The following ATP10B variants were observed in gnomAD, a reference collection of about 807,000 sequenced individuals.
ATP10B encodes ATPase phospholipid transporting 10B (putative), also known as phospholipid-transporting ATPase VB.
Under a neutral mutation model 141.2 loss-of-function variants are expected in ATP10B, and 122 were observed. That is an observed-to-expected ratio of 0.86 (90% CI 0.75 to 1.00). The LOEUF is 1.00. Among genes scored for constraint, ATP10B ranks in the 50% least tolerant of loss-of-function variants. The pLI, the probability that ATP10B is intolerant of heterozygous loss-of-function variation, is 0.00. For synonymous variants in ATP10B, 685 were observed against 692.0 expected, an observed-to-expected ratio of 0.99 and a Z score of 0.16; for missense variants, 1,876 against 1,825.3, an observed-to-expected ratio of 1.03 and a Z score of -0.51.
Position 160,606,768 on chromosome 5 carries a change from T to C in ATP10B, c.3157A>G (p.Ile1053Val), listed in dbSNP as rs767032280. ...CGCATCTCAGTATGATGGGTACCTA[T>C]GGAAAGGGTCATGACGCGCAACTTG... ...RDKLRVMTLSIGDGANDVSMI... is the reference protein window; with the variant it reads ...RDKLRVMTLSVGDGANDVSMI... The change falls in exon 19 of 26, where the codon ATA becomes GTA. Residue 1053 changes from isoleucine (I) to valine (V), a missense_variant. Transcript: ENST00000327245. The C allele has an allele frequency of 6.8e-6, 11 of 1,611,848 alleles. No homozygotes were observed. The Admixed American group carries it at 1.7e-4, about 24-fold the overall frequency.
chr5:160,718,425 T>C (rs570691074), intron 2 of ATP10B, among the ~76,000 whole-genome samples: 1 of 152,224 alleles, frequency 6.6e-6, no homozygotes. Flanking sequence ...CTCCTTGTCT[T>C]AGTCCATTTT....
At chr5:160,803,589 T>C (rs184826950) in intron 1 of ATP10B, among the ~76,000 whole-genome samples, 25 of 152,200 alleles carry the variant, frequency 1.6e-4, no homozygotes, top group Non-Finnish European at 3.4e-4. Context: ...GGCAGGAGAA[T>C]CATTGGAACC....
chr5:160,874,016 A>G, the ATP10B span, among the ~76,000 whole-genome samples: 1 of 152,176 alleles, frequency 6.6e-6, no homozygotes, highest in Non-Finnish European at 1.5e-5. Context: ...AGAAGTTCGA[A>G]CTGGGTGGAG....
At chr5:160,848,019 G>A (rs1423428600) in intron 1 of ATP10B, among the ~76,000 whole-genome samples, 1 of 152,058 alleles carries the variant, frequency 6.6e-6, no homozygotes, top group Non-Finnish European at 1.5e-5. Flanking sequence ...CACACTCCAG[G>A]TTTATGCCTG....
chr5:160,767,012 C>G (rs1769495042), intron 2 of ATP10B, among the ~76,000 whole-genome samples: 1 of 151,396 alleles, frequency 6.6e-6, no homozygotes, highest in South Asian at 2.1e-4. Flanking sequence ...TCATCTAGGT[C>G]AGGGATGTCA....
intron 2 of ATP10B, among the ~76,000 whole-genome samples, chr5:160,777,847 C>A (rs1770444120): frequency 6.6e-6 from 1 of 152,136 alleles, no homozygotes; most frequent in Admixed American, 6.6e-5. Flanking sequence ...TGGTACATTT[C>A]TACTATACAA....
At chr5:160,732,540 T>TG (rs148743348) in intron 2 of ATP10B, among the ~76,000 whole-genome samples, 2,004 of 152,310 alleles carry the variant, frequency 0.013, 28 homozygotes, top group Middle Eastern at 0.024. Context: ...TTTCCAGGCT[T>TG]GATTTATTGA....
At chr5:160,831,857 C>T (rs1775103027) in intron 1 of ATP10B, among the ~76,000 whole-genome samples, 1 of 152,098 alleles carries the variant, frequency 6.6e-6, no homozygotes, top group Non-Finnish European at 1.5e-5. Context: ...GTGGAAAACA[C>T]TGGTTTGAAT....
At chr5:160,690,111 ATTCC>A (rs1196901685) in intron 3 of ATP10B, among the ~76,000 whole-genome samples, 1 of 152,150 alleles carries the variant, frequency 6.6e-6, no homozygotes, top group East Asian at 1.9e-4. Context: ...TGGGGAAAGG[ATTCC>A]TTATTTAATA....
chr5:160,663,230 G>A (rs1209075465), intron 7 of ATP10B, among the ~76,000 whole-genome samples: 1 of 152,158 alleles, frequency 6.6e-6, no homozygotes, highest in African/African-American at 2.4e-5. Flanking sequence ...AGTCAGTGTG[G>A]CAATTCCTCA....
intron 2 of ATP10B, among the ~76,000 whole-genome samples, chr5:160,726,296 G>A (rs1390720787): frequency 6.6e-6 from 1 of 152,200 alleles, no homozygotes; most frequent in Admixed American, 6.5e-5. Context: ...TGTAGGCCCA[G>A]AAGAGAAGCA....
chr5:160,904,834 C>T, the ATP10B span, among the ~76,000 whole-genome samples: 1 of 152,154 alleles, frequency 6.6e-6, no homozygotes, highest in Non-Finnish European at 1.5e-5. Context: ...CATAAGACAG[C>T]GTGGCTTCAC....
the ATP10B span, among the ~76,000 whole-genome samples, chr5:160,890,854 C>T: frequency 1.3e-5 from 2 of 152,188 alleles, no homozygotes; most frequent in African/African-American, 2.4e-5. Context: ...GAGCTACAGG[C>T]ATATGCTGCC....
At chr5:160,892,743 G>A in the ATP10B span, among the ~76,000 whole-genome samples, 1 of 152,132 alleles carries the variant, frequency 6.6e-6, no homozygotes, top group Non-Finnish European at 1.5e-5. Flanking sequence ...AGACAATACA[G>A]GTATGGCTGG....
At chr5:160,701,666 T>A (rs1009760963) in intron 3 of ATP10B, among the ~76,000 whole-genome samples, 1 of 151,640 alleles carries the variant, frequency 6.6e-6, no homozygotes, top group African/African-American at 2.4e-5. Context: ...TGGGAGCAGT[T>A]ACTCATCTAT....
chr5:160,726,556 G>T (rs1473103963), intron 2 of ATP10B, among the ~76,000 whole-genome samples: 1 of 150,696 alleles, frequency 6.6e-6, no homozygotes, highest in African/African-American at 2.5e-5. Flanking sequence ...CTTAAATTTG[G>T]CATTTCCTTA....
At chr5:160,668,638 T>C (rs1322799170) in intron 7 of ATP10B, among the ~76,000 whole-genome samples, 3 of 152,202 alleles carry the variant, frequency 2.0e-5, no homozygotes, top group African/African-American at 7.2e-5. Context: ...TGGAGACCAG[T>C]GGACATGCTG....
intron 3 of ATP10B, among the ~76,000 whole-genome samples, chr5:160,690,516 A>G (rs1764014357): frequency 6.6e-6 from 1 of 152,308 alleles, no homozygotes; most frequent in African/African-American, 2.4e-5. Flanking sequence ...CCAAGAAAAA[A>G]CCAACAATCC....
At chr5:160,819,315 A>C (rs892857566) in intron 1 of ATP10B, among the ~76,000 whole-genome samples, 1 of 152,174 alleles carries the variant, frequency 6.6e-6, no homozygotes, top group Non-Finnish European at 1.5e-5. Context: ...ATCCTAGAGT[A>C]GTATATCTGG....
Sources: gnomAD v4.1 joint callset for allele counts (sites outside exome capture counted in the v4.1 genomes callset) on GRCh38, gnomAD v4.1.1 for gene constraint, MANE v1.5 for transcripts, NCBI Gene and HGNC (gene_info 2026-07-23, HGNC 2026-07-21) for gene names.